SYNPR: variants seen among roughly 807,000 people sequenced by gnomAD.
SYNPR encodes synaptoporin.
SYNPR carries 23 observed loss-of-function variants against 32.9 expected under a neutral mutation model. The ratio of observed to expected loss-of-function variants is 0.70; its 90% confidence interval spans 0.50 to 0.99. SYNPR has a LOEUF of 0.99. Among genes scored for constraint, SYNPR ranks in the 50% least tolerant of loss-of-function variants. The pLI is 0.00. For missense variants in SYNPR, 318 were observed against 349.3 expected (o/e 0.91, Z 0.71); for synonymous variants, 146 against 135.9 (o/e 1.07, Z -0.52).
Position 63,614,761 on chromosome 3 carries a change from T to C in SYNPR, c.601-463T>C, listed in dbSNP as rs141360437. Among the ~76,000 whole-genome samples the C allele has an allele frequency of 3.6e-3, 555 of 152,286 alleles. 2 individuals are homozygous for C. Among genetic ancestry groups the C allele is most frequent in the African/African-American group, 0.012 (517 of 41,564 alleles). ...GATAGCCTTATAAATGAATGCACCATTATTAAAGTGAAAATTCTCAACCCT... is the reference window on the plus strand; with the variant it reads ...GATAGCCTTATAAATGAATGCACCACTATTAAAGTGAAAATTCTCAACCCT... On this transcript the variant is annotated intron_variant, in intron 5 of 5. Transcript: ENST00000478300.
intron 4 of SYNPR, among the ~76,000 whole-genome samples, chr3:63,566,712 G>T (rs1348831686): frequency 2.6e-5 from 4 of 152,150 alleles, no homozygotes; most frequent in Middle Eastern, 3.2e-3. Context: ...GATGGTTATA[G>T]AACCTCTCTA....
At chr3:63,483,710 T>C (rs10510898) in intron 3 of SYNPR, among the ~76,000 whole-genome samples, 5,010 of 152,270 alleles carry the variant, frequency 0.033, 274 homozygotes, top group African/African-American at 0.11. Flanking sequence ...GAACCCCATC[T>C]GAAATTCCAA....
chr3:63,207,285 A>G, the SYNPR span, among the ~76,000 whole-genome samples: 3 of 152,070 alleles, frequency 2.0e-5, no homozygotes, highest in Non-Finnish European at 2.9e-5. Context: ...AGATGTTCTG[A>G]CTCAATATTA....
chr3:63,288,090 A>G (rs1168626317), intron 2 of SYNPR, among the ~76,000 whole-genome samples: 1 of 152,184 alleles, frequency 6.6e-6, no homozygotes, highest in East Asian at 1.9e-4. Context: ...CAGAAAGAAT[A>G]TGATTGGTTC....
chr3:63,425,086 G>A (rs959959274), intron 2 of SYNPR, among the ~76,000 whole-genome samples: 4 of 152,120 alleles, frequency 2.6e-5, no homozygotes, highest in Non-Finnish European at 5.9e-5. Context: ...TCTTTAAAAT[G>A]AAATATTGTG....
At chr3:63,217,362 T>G in the SYNPR span, among the ~76,000 whole-genome samples, 2 of 54,600 alleles carry the variant, frequency 3.7e-5, no homozygotes, top group African/African-American at 1.2e-4. Flanking sequence ...ATCAGCGAGA[T>G]TCCGTGGGCG....
intron 1 of SYNPR, among the ~76,000 whole-genome samples, chr3:63,232,934 C>T (rs1009319044): frequency 2.0e-5 from 3 of 152,120 alleles, no homozygotes; most frequent in South Asian, 4.1e-4. Context: ...AACTGTGATT[C>T]TTATAAAAGA....
At chr3:63,298,477 G>A (rs1049485283) in intron 2 of SYNPR, among the ~76,000 whole-genome samples, 35 of 151,596 alleles carry the variant, frequency 2.3e-4, no homozygotes, top group Middle Eastern at 3.4e-3. Context: ...TAGGGAATGA[G>A]ACAAAACCAA....
At chr3:63,431,307 G>C (rs1001254780) in intron 2 of SYNPR, among the ~76,000 whole-genome samples, 1 of 152,088 alleles carries the variant, frequency 6.6e-6, no homozygotes, top group Non-Finnish European at 1.5e-5. Context: ...TGTACAAGGG[G>C]GAGTGGAATA....
Position 63,439,579 on chromosome 3 carries a change from A to G in SYNPR, c.85-41253A>G, listed in dbSNP as rs933220807. ...AAAATCAGCTACTGTATGTGGGCCT[A>G]GCTAAGCAAAACCCTGGGAACCCAA... On this transcript the variant is annotated intron_variant, in intron 2 of 5. Coordinates refer to ENST00000478300, the MANE Select transcript of SYNPR (RefSeq NM_001130003.2). Among the ~76,000 whole-genome samples the G allele has an allele frequency of 3.9e-5, 6 of 152,208 alleles. No homozygotes were observed. In the South Asian group the frequency reaches 1.2e-3, roughly 32 times the overall value.
chr3:63,527,007 G>T (rs1194960126), intron 3 of SYNPR, among the ~76,000 whole-genome samples: 1 of 152,008 alleles, frequency 6.6e-6, no homozygotes, highest in Non-Finnish European at 1.5e-5. Context: ...GGCCAGAGAA[G>T]AGCAGTGTTT....
At chr3:63,519,801 T>C (rs566800740) in intron 3 of SYNPR, among the ~76,000 whole-genome samples, 9 of 152,342 alleles carry the variant, frequency 5.9e-5, no homozygotes, top group Non-Finnish European at 1.3e-4. Flanking sequence ...AAGTATGCTC[T>C]TTAATGGCAC....
intron 3 of SYNPR, among the ~76,000 whole-genome samples, chr3:63,537,254 C>G (rs926009131): frequency 3.9e-5 from 6 of 152,064 alleles, no homozygotes; most frequent in Non-Finnish European, 7.4e-5. Flanking sequence ...TAACTATGTA[C>G]ACACTCTACC....
intron 4 of SYNPR, among the ~76,000 whole-genome samples, chr3:63,600,616 G>A (rs1700026515): frequency 6.6e-6 from 1 of 152,182 alleles, no homozygotes. Context: ...GATCATGGGG[G>A]CAGTTTCTCC....
At chr3:63,257,193 A>T (rs949743289) in intron 2 of SYNPR, among the ~76,000 whole-genome samples, 1 of 152,150 alleles carries the variant, frequency 6.6e-6, no homozygotes, top group Non-Finnish European at 1.5e-5. Flanking sequence ...GCAGGCCAAA[A>T]TTCAAATTGA....
At chr3:63,544,570 G>A (rs1186101945) in intron 3 of SYNPR, among the ~76,000 whole-genome samples, 3 of 152,028 alleles carry the variant, frequency 2.0e-5, no homozygotes, top group Non-Finnish European at 4.4e-5. Flanking sequence ...AGCATTTAGT[G>A]AAGCCAGTTA....
At chr3:63,512,636 T>G (rs1701718969) in intron 3 of SYNPR, among the ~76,000 whole-genome samples, 2 of 152,200 alleles carry the variant, frequency 1.3e-5, no homozygotes, top group South Asian at 4.1e-4. Flanking sequence ...CAAGTGGTTG[T>G]GGCTGAATTC....
At chr3:63,357,812 C>T (rs1218195948) in intron 2 of SYNPR, among the ~76,000 whole-genome samples, 1 of 152,148 alleles carries the variant, frequency 6.6e-6, no homozygotes, top group East Asian at 1.9e-4. Context: ...GGAGATTATG[C>T]TTACATGAAT....
chr3:63,528,426 G>A (rs1297602833), intron 3 of SYNPR, among the ~76,000 whole-genome samples: 14 of 151,912 alleles, frequency 9.2e-5, no homozygotes, highest in Admixed American at 9.2e-4. Context: ...TTTTGATGGA[G>A]CATCTCAAGA....
Sources: gnomAD v4.1 joint callset for allele counts (sites outside exome capture counted in the v4.1 genomes callset) on GRCh38, gnomAD v4.1.1 for gene constraint, MANE v1.5 for transcripts, NCBI Gene and HGNC (gene_info 2026-07-23, HGNC 2026-07-21) for gene names.